ERC2: variants seen among roughly 807,000 people sequenced by gnomAD.
ERC2 encodes the protein ELKS/RAB6-interacting/CAST family member 2.
A neutral mutation model predicts 114.8 loss-of-function variants in ERC2; 42 were observed. The observed-to-expected ratio is 0.37, with a 90% CI of 0.29 to 0.47. The LOEUF (loss-of-function observed/expected upper bound fraction) is 0.47, where lower values mean the gene tolerates loss of function less well. Ranked by LOEUF, ERC2 falls within the 20% of genes least tolerant of loss-of-function variation. The pLI, the probability that ERC2 is intolerant of heterozygous loss-of-function variation, is 0.99. For synonymous variants in ERC2, 454 were observed against 425.5 expected, an observed-to-expected ratio of 1.07 and a Z score of -0.82; for missense variants, 939 against 1,150.7, an observed-to-expected ratio of 0.82 and a Z score of 2.66.
chr3:56,369,292 A>C (rs188701327), intron 2 of ERC2, among the ~76,000 whole-genome samples: 211 of 152,324 alleles, frequency 1.4e-3, no homozygotes, highest in African/African-American at 4.4e-3. Context: ...CTGATTTCTG[A>C]ACACACTGTC....
At chr3:55,543,170 G>A (rs2054512417) in intron 17 of ERC2, among the ~76,000 whole-genome samples, 1 of 152,118 alleles carries the variant, frequency 6.6e-6, no homozygotes, top group Admixed American at 6.5e-5. Context: ...GGGAGTGGAG[G>A]AGTAAGGCTG....
chr3:55,940,943 C>T (rs2066746706), intron 13 of ERC2, among the ~76,000 whole-genome samples: 1 of 152,200 alleles, frequency 6.6e-6, no homozygotes, highest in African/African-American at 2.4e-5. Context: ...TGCAAAGAAA[C>T]AGTTCCACTC....
chr3:56,173,525 G>A lies in ERC2; in HGVS notation c.1075-5C>T. On this transcript the variant is annotated splice_region_variant and splice_polypyrimidine_tract_variant and intron_variant, in intron 3 of 17. Transcript: ENST00000288221. Reference sequence around the variant, plus strand: ...TTGGCTTCTTCGGTGCAATTCCTGGGGAGGAACACGATAGAAATAAGCCTG... The same window carrying A: ...TTGGCTTCTTCGGTGCAATTCCTGGAGAGGAACACGATAGAAATAAGCCTG... 6.2e-7 allele frequency: 1 copy of A among 1,613,670 alleles called. No homozygotes were observed. The highest frequency in any genetic ancestry group is 1.1e-5 in the South Asian group (1 of 91,060).
At chr3:55,690,918 G>A (rs751706732) in intron 16 of ERC2, among the ~76,000 whole-genome samples, 5 of 152,126 alleles carry the variant, frequency 3.3e-5, no homozygotes, top group African/African-American at 7.2e-5. Context: ...GCGTAACTCC[G>A]CCTCCCTCCC....
intron 6 of ERC2, among the ~76,000 whole-genome samples, chr3:56,122,656 T>C (rs73091256): frequency 0.061 from 9,350 of 152,090 alleles, 761 homozygotes; most frequent in African/African-American, 0.19. Flanking sequence ...TTATGAGGGA[T>C]CACAGGTACC....
chr3:55,892,066 A>G (rs1576053719), intron 13 of ERC2, among the ~76,000 whole-genome samples: 1 of 152,272 alleles, frequency 6.6e-6, no homozygotes, highest in East Asian at 1.9e-4. Context: ...CCATTTCCTC[A>G]TCCATATTTA....
chr3:55,566,010 G>T (rs1479599725), intron 17 of ERC2, among the ~76,000 whole-genome samples: 1 of 152,202 alleles, frequency 6.6e-6, no homozygotes, highest in Non-Finnish European at 1.5e-5. Flanking sequence ...GAGGCAGAGT[G>T]GTCTCTTAGC....
chr3:55,805,152 A>G (rs1283528930), intron 14 of ERC2, among the ~76,000 whole-genome samples: 2 of 152,048 alleles, frequency 1.3e-5, no homozygotes, highest in Admixed American at 1.3e-4. Context: ...CACGACATAC[A>G]TGAGATCATT....
intron 17 of ERC2, among the ~76,000 whole-genome samples, chr3:55,651,563 T>C (rs1298580378): frequency 6.6e-6 from 1 of 152,176 alleles, no homozygotes; most frequent in Non-Finnish European, 1.5e-5. Flanking sequence ...CTCTGAACCT[T>C]TATCTCTTTA....
intron 15 of ERC2, among the ~76,000 whole-genome samples, chr3:55,725,053 T>G (rs1331007867): frequency 6.6e-6 from 1 of 151,812 alleles, no homozygotes; most frequent in Non-Finnish European, 1.5e-5. Flanking sequence ...CAGTGAGAGA[T>G]CTTCTTGGCA....
chr3:55,543,313 G>A (rs2054524124), intron 17 of ERC2, among the ~76,000 whole-genome samples: 1 of 152,184 alleles, frequency 6.6e-6, no homozygotes, highest in Non-Finnish European at 1.5e-5. Flanking sequence ...CAGTAACATC[G>A]AGGGCCAGAG....
intron 2 of ERC2, among the ~76,000 whole-genome samples, chr3:56,321,033 C>T (rs1048088815): frequency 6.6e-6 from 1 of 152,168 alleles, no homozygotes; most frequent in Admixed American, 6.5e-5. Context: ...CGCTGTCTTG[C>T]TAAGCTTTTT....
At chr3:55,556,793 C>T (rs1192187335) in intron 17 of ERC2, among the ~76,000 whole-genome samples, 1 of 152,208 alleles carries the variant, frequency 6.6e-6, no homozygotes, top group South Asian at 2.1e-4. Flanking sequence ...TCTAATTCCA[C>T]AAGCCAATAA....
intron 3 of ERC2, among the ~76,000 whole-genome samples, chr3:56,241,679 C>T (rs148136717): frequency 3.9e-5 from 6 of 152,070 alleles, no homozygotes; most frequent in African/African-American, 1.4e-4. Context: ...CCCCCTTCAC[C>T]GAGTCTTTCC....
chr3:56,137,224 G>T (rs1252568930), intron 6 of ERC2, among the ~76,000 whole-genome samples: 1 of 152,144 alleles, frequency 6.6e-6, no homozygotes, highest in Non-Finnish European at 1.5e-5. Context: ...CTGACTGCTG[G>T]TTTGGGTAAG....
intron 1 of ERC2, among the ~76,000 whole-genome samples, chr3:56,445,669 G>A (rs903341576): frequency 2.6e-5 from 4 of 152,036 alleles, no homozygotes; most frequent in Non-Finnish European, 4.4e-5. Context: ...AACAGCCCCC[G>A]CCTCCCCTCT....
intron 3 of ERC2, among the ~76,000 whole-genome samples, chr3:56,275,065 T>C (rs2053905511): frequency 6.6e-6 from 1 of 152,184 alleles, no homozygotes; most frequent in Non-Finnish European, 1.5e-5. Flanking sequence ...TTCTGGCCTT[T>C]AAATGAGACC....
At chr3:56,222,443 C>T (rs2049973282) in intron 3 of ERC2, among the ~76,000 whole-genome samples, 1 of 152,168 alleles carries the variant, frequency 6.6e-6, no homozygotes, top group African/African-American at 2.4e-5. Flanking sequence ...CCTGCTCCCC[C>T]ATCATCCATT....
At chr3:56,356,097 G>A (rs1019170292) in intron 2 of ERC2, among the ~76,000 whole-genome samples, 3 of 152,184 alleles carry the variant, frequency 2.0e-5, no homozygotes, top group Non-Finnish European at 4.4e-5. Flanking sequence ...ATCCAAGCTG[G>A]TTGTGAAAAA....
Sources: gnomAD v4.1 joint callset for allele counts (sites outside exome capture counted in the v4.1 genomes callset) on GRCh38, gnomAD v4.1.1 for gene constraint, MANE v1.5 for transcripts, NCBI Gene and HGNC (gene_info 2026-07-23, HGNC 2026-07-21) for gene names.